The following GSE1 variants were observed in gnomAD, a reference collection of about 807,000 sequenced individuals.
GSE1 encodes Gse1 coiled-coil protein.
Under a neutral mutation model 112.6 loss-of-function variants are expected in GSE1, and 32 were observed. The observed-to-expected ratio is 0.28, with a 90% CI of 0.21 to 0.38. The LOEUF is 0.38. Ranked by LOEUF, GSE1 falls within the 10% of genes least tolerant of loss-of-function variation. The probability of loss-of-function intolerance (pLI) is 1.00; values close to 1 mark genes in which losing one functional copy is unlikely to be tolerated. For missense variants in GSE1, 2,348 were observed against 1,699.2 expected (o/e 1.38, Z -6.71); for synonymous variants, 1,115 against 735.6 (o/e 1.52, Z -8.35).
chr16:85,532,848 G>A (rs1461609097), intron 2 of GSE1, among the ~76,000 whole-genome samples: 1 of 152,218 alleles, frequency 6.6e-6, no homozygotes, highest in Non-Finnish European at 1.5e-5. Flanking sequence ...AAGTGCATGT[G>A]CCGTGAAGTG....
chr16:85,542,569 C>T (rs755780964), intron 2 of GSE1, among the ~76,000 whole-genome samples: 3 of 152,370 alleles, frequency 2.0e-5, no homozygotes, highest in South Asian at 2.1e-4. Context: ...CTGGGTTGCT[C>T]CACCCCACAA....
At chr16:85,350,821 G>C (rs1273232402) in intron 1 of GSE1, among the ~76,000 whole-genome samples, 1 of 152,182 alleles carries the variant, frequency 6.6e-6, no homozygotes, top group Non-Finnish European at 1.5e-5. Context: ...CTGTCACCCA[G>C]GCTGCAGTGC....
chr16:85,401,457 C>T (rs1431280561), intron 2 of GSE1, among the ~76,000 whole-genome samples: 3 of 152,262 alleles, frequency 2.0e-5, no homozygotes, highest in Non-Finnish European at 4.4e-5. Flanking sequence ...GGCCTGCTGA[C>T]CCCAAGAGGG....
rs575193681 is a variant in GSE1 at position 85,311,490 on chromosome 16, C to G, written c.2284-45973C>G. 1.4e-5 allele frequency among the ~76,000 whole-genome samples: 2 copies of G among 140,794 alleles called. No homozygotes were observed. Among genetic ancestry groups the G allele is most frequent in the Non-Finnish European group, 3.1e-5 (2 of 63,968 alleles). 92.4% of individuals were successfully genotyped at this position (140,794 alleles called of 152,430 possible). ...GGCGGAGCCCTCGGCTGCCTCCCAC[C>G]GTGGGACATTGGGGAGGGAGGGAGG... On this transcript the variant is annotated intron_variant, in intron 1 of 2. Transcript: ENST00000637419. This position sits in a 1 kb window ranked among gnomAD's most constrained non-coding sequence, Gnocchi z 4.2.
At chr16:85,590,399 C>G (rs1567622432) in intron 1 of GSE1, among the ~76,000 whole-genome samples, 1 of 145,824 alleles carries the variant, frequency 6.9e-6, no homozygotes, top group Non-Finnish European at 1.5e-5. Context: ...ACATGTGTGA[C>G]ATTGTGTGTG....
chr16:85,647,890 T>C (rs550314473), intron 2 of GSE1, among the ~76,000 whole-genome samples: 1 of 152,284 alleles, frequency 6.6e-6, no homozygotes, highest in Non-Finnish European at 1.5e-5. Context: ...CGGCCAGTGC[T>C]GACCGCTTCT....
chr16:85,582,793 C>T (rs1336944458), intron 1 of GSE1, among the ~76,000 whole-genome samples: 1 of 152,214 alleles, frequency 6.6e-6, no homozygotes, highest in Non-Finnish European at 1.5e-5. Context: ...GTCTGCACAG[C>T]CTGCGGTTGG....
chr16:85,612,124 C>G (rs925916856), upstream of GSE1, among the ~76,000 whole-genome samples: 27 of 151,786 alleles, frequency 1.8e-4, no homozygotes, highest in African/African-American at 6.3e-4. Context: ...CAGAGCCGCC[C>G]GGGGGGGTTA....
chr16:85,672,342 C>T (rs1474666799), intron 15 of GSE1, 63 bp from the exon 16 acceptor site: 2 of 1,271,006 alleles, frequency 1.6e-6, no homozygotes, highest in Non-Finnish European at 2.3e-6. Context: ...CATGTTTGTA[C>T]TCTACATGCT....
At chr16:85,445,376 A>G (rs2049484001) in intron 2 of GSE1, among the ~76,000 whole-genome samples, 1 of 152,142 alleles carries the variant, frequency 6.6e-6, no homozygotes, top group African/African-American at 2.4e-5. Flanking sequence ...GGGGGGCGGG[A>G]GAGGCTGAGG....
At chr16:85,242,589 G>C (rs1020166742) in intron 1 of GSE1, among the ~76,000 whole-genome samples, 1 of 152,240 alleles carries the variant, frequency 6.6e-6, no homozygotes, top group Non-Finnish European at 1.5e-5. Context: ...CAGGACAGCC[G>C]TGCCTGCTGG....
intron 14 of GSE1, among the ~76,000 whole-genome samples, chr16:85,669,922 C>T (rs1019924120): frequency 6.6e-6 from 1 of 152,240 alleles, no homozygotes; most frequent in Non-Finnish European, 1.5e-5. Context: ...CCCCTCTTCT[C>T]TCAGCTACCG....
chr16:85,338,318 C>G (rs9888865), intron 1 of GSE1, among the ~76,000 whole-genome samples: 1 of 152,220 alleles, frequency 6.6e-6, no homozygotes. Context: ...TGGGGCCACC[C>G]TGAGTGCCCT....
chr16:85,231,380 GGAT>G (rs1904284545), intron 1 of GSE1, among the ~76,000 whole-genome samples: 1 of 149,124 alleles, frequency 6.7e-6, no homozygotes, highest in Non-Finnish European at 1.5e-5. Context: ...ATAGATGGAT[GGAT>G]GATGATGGAT....
At chr16:85,513,515 C>T (rs999735347) in intron 2 of GSE1, among the ~76,000 whole-genome samples, 10 of 152,128 alleles carry the variant, frequency 6.6e-5, no homozygotes, top group Non-Finnish European at 1.5e-4. Context: ...CCAACGTCCT[C>T]TCTTCTCTTC....
chr16:85,301,787 A>G (rs1460262156), intron 1 of GSE1, among the ~76,000 whole-genome samples: 1 of 152,228 alleles, frequency 6.6e-6, no homozygotes. Context: ...CCCTCCTTCC[A>G]GATGGCCCAG....
chr16:85,555,916 C>G (rs1317940591), upstream of GSE1: 1 of 953,316 alleles, frequency 1.0e-6, no homozygotes, highest in Non-Finnish European at 1.2e-6. Flanking sequence ...TCTCTCGCTC[C>G]TCTTCCCCGC....
intron 2 of GSE1, among the ~76,000 whole-genome samples, chr16:85,390,486 A>G (rs572566076): frequency 1.1e-4 from 17 of 152,150 alleles, no homozygotes; most frequent in Non-Finnish European, 2.5e-4. Flanking sequence ...CCATATAACA[A>G]TATGATGGGT....
chr16:85,235,620 G>A (rs1904549112), intron 1 of GSE1, among the ~76,000 whole-genome samples: 1 of 151,572 alleles, frequency 6.6e-6, no homozygotes, highest in African/African-American at 2.4e-5. Flanking sequence ...CCACCACGGG[G>A]GTGGGGCTCA....
Sources: gnomAD v4.1 joint callset for allele counts (sites outside exome capture counted in the v4.1 genomes callset) on GRCh38, gnomAD v4.1.1 for gene constraint, Gnocchi (gnomAD v3.1) non-coding constraint, MANE v1.5 for transcripts, NCBI Gene and HGNC (gene_info 2026-07-23, HGNC 2026-07-21) for gene names.